Variants in REDIC1 observed in about 807,000 individuals in gnomAD.
The protein encoded by REDIC1 is HEI10 Interacting Protein 1.
chr12:39,713,318 A>C, the REDIC1 span, among the ~76,000 whole-genome samples: 2 of 145,522 alleles, frequency 1.4e-5, no homozygotes, highest in East Asian at 4.1e-4. Flanking sequence ...ACGTGTATAT[A>C]TGTGTATACA....
the REDIC1 span, chr12:39,802,171 T>A: frequency 6.6e-6 from 1 of 152,172 alleles, no homozygotes; most frequent in South Asian, 2.1e-4. Context: ...TGCTTAGAAG[T>A]CTCTGTTTGA....
At chr12:39,714,472 G>C in the REDIC1 span, among the ~76,000 whole-genome samples, 7 of 151,470 alleles carry the variant, frequency 4.6e-5, no homozygotes, top group Admixed American at 1.3e-4. Context: ...GGGCATTTGG[G>C]TTTGTTGCAT....
the REDIC1 span, chr12:39,872,027 G>T: frequency 7.4e-7 from 1 of 1,348,220 alleles, no homozygotes; most frequent in Non-Finnish European, 9.8e-7. Context: ...TATTTTGATA[G>T]AAAAAGATGT....
chr12:39,711,499 ATGTATATATG>A, the REDIC1 span, among the ~76,000 whole-genome samples: 19 of 140,700 alleles, frequency 1.4e-4, no homozygotes, highest in Middle Eastern at 3.8e-3. Flanking sequence ...GTATATAAGT[ATGTATATATG>A]TGTATATATG....
chr12:39,643,190 G>A, the REDIC1 span, among the ~76,000 whole-genome samples: 1 of 151,484 alleles, frequency 6.6e-6, no homozygotes, highest in East Asian at 1.9e-4. Flanking sequence ...ATGGCAATAA[G>A]AAAGAATAAT....
chr12:39,712,921 G>A, the REDIC1 span, among the ~76,000 whole-genome samples: 289 of 145,170 alleles, frequency 2.0e-3, no homozygotes, highest in African/African-American at 7.1e-3. Context: ...ATATACATAT[G>A]TGCATATACG....
chr12:39,851,241 TATTTC>T, the REDIC1 span, among the ~76,000 whole-genome samples: 1 of 152,166 alleles, frequency 6.6e-6, no homozygotes, highest in Admixed American at 6.6e-5. Flanking sequence ...TTAAAATAAA[TATTTC>T]ATTTGTTTCC....
the REDIC1 span, among the ~76,000 whole-genome samples, chr12:39,771,406 C>G: frequency 6.6e-6 from 1 of 152,180 alleles, no homozygotes; most frequent in Admixed American, 6.5e-5. Flanking sequence ...TGTAGGATGC[C>G]TATGCTGGGA....
the REDIC1 span, among the ~76,000 whole-genome samples, chr12:39,772,683 T>A: frequency 6.6e-6 from 1 of 152,172 alleles, no homozygotes; most frequent in Non-Finnish European, 1.5e-5. Context: ...TTACAAATAA[T>A]GAAATAACTA....
the REDIC1 span, among the ~76,000 whole-genome samples, chr12:39,668,015 T>C: frequency 1.3e-5 from 2 of 152,218 alleles, no homozygotes; most frequent in Admixed American, 1.3e-4. Context: ...CTTAACTCTT[T>C]ATCCAATTTT....
chr12:39,779,212 C>A, the REDIC1 span, among the ~76,000 whole-genome samples: 1 of 152,134 alleles, frequency 6.6e-6, no homozygotes, highest in Non-Finnish European at 1.5e-5. Context: ...GCCATTCAAC[C>A]TCACTGGACC....
the REDIC1 span, among the ~76,000 whole-genome samples, chr12:39,781,037 A>G: frequency 1.3e-5 from 2 of 152,238 alleles, no homozygotes; most frequent in Non-Finnish European, 2.9e-5. Flanking sequence ...ATCTCAAGTT[A>G]CTGCTAAAGT....
At chr12:39,736,938 A>G in the REDIC1 span, 111,981 of 152,104 alleles carry the variant, frequency 0.74, 42,653 homozygotes, top group Non-Finnish European at 0.84. Context: ...CCCTGCTCAG[A>G]TTTCATATTT....
the REDIC1 span, among the ~76,000 whole-genome samples, chr12:39,849,808 A>G: frequency 2.6e-5 from 4 of 152,112 alleles, no homozygotes; most frequent in African/African-American, 9.7e-5. Context: ...TCAAGGTCAT[A>G]AAAATCCTAC....
chr12:39,756,100 T>C, the REDIC1 span: 28 of 152,100 alleles, frequency 1.8e-4, no homozygotes, highest in African/African-American at 6.7e-4. Context: ...TTCATCAAAT[T>C]GGCTTTACAT....
the REDIC1 span, among the ~76,000 whole-genome samples, chr12:39,874,344 T>C: frequency 6.6e-6 from 1 of 152,108 alleles, no homozygotes; most frequent in Admixed American, 6.5e-5. Context: ...CCGGGCACGG[T>C]GGCTCACACC....
the REDIC1 span, chr12:39,864,675 C>T: frequency 4.6e-6 from 7 of 1,531,926 alleles, no homozygotes; most frequent in African/African-American, 2.8e-5. Context: ...CAAGCTCCTA[C>T]TCATCTCTAC....
At chr12:39,733,069 GCACACACACA>G in the REDIC1 span, among the ~76,000 whole-genome samples, 5 of 148,350 alleles carry the variant, frequency 3.4e-5, no homozygotes, top group Non-Finnish European at 4.5e-5. Flanking sequence ...GCAGAAAAAT[GCACACACACA>G]CACACACACA....
At chr12:39,839,595 A>G in the REDIC1 span, among the ~76,000 whole-genome samples, 1 of 151,908 alleles carries the variant, frequency 6.6e-6, no homozygotes, top group Admixed American at 6.6e-5. Flanking sequence ...CAATGTTCTC[A>G]TCCCTTGTGC....
Sources: allele counts gnomAD v4.1 joint callset (sites outside exome capture counted in the v4.1 genomes callset), GRCh38; gene constraint gnomAD v4.1.1; transcripts MANE v1.5; gene names NCBI Gene and HGNC (gene_info 2026-07-23, HGNC 2026-07-21).